Variants in DNM3 observed in about 807,000 individuals in gnomAD.
DNM3 encodes dynamin 3.
A neutral mutation model predicts 101.6 loss-of-function variants in DNM3; 47 were observed. That is an observed-to-expected ratio of 0.46 (90% CI 0.37 to 0.59). DNM3 has a LOEUF of 0.59. Ranked by LOEUF, DNM3 falls within the 20% of genes least tolerant of loss-of-function variation. DNM3 has a pLI of 0.00. For missense variants in DNM3, 849 were observed against 1,085.7 expected, an observed-to-expected ratio of 0.78 and a Z score of 3.06; for synonymous variants, 385 against 387.9, an observed-to-expected ratio of 0.99 and a Z score of 0.09.
intron 15 of DNM3, among the ~76,000 whole-genome samples, chr1:172,279,902 A>C (rs977085575): frequency 6.6e-6 from 1 of 152,142 alleles, no homozygotes; most frequent in Non-Finnish European, 1.5e-5. Context: ...TTTTTAAAAA[A>C]TAGATCAGAT....
At chr1:172,181,429 G>A (rs965590109) in intron 14 of DNM3, among the ~76,000 whole-genome samples, 7 of 150,544 alleles carry the variant, frequency 4.6e-5, no homozygotes, top group African/African-American at 1.5e-4. Flanking sequence ...TCTGGTAGGC[G>A]TGGAGATATA....
chr1:172,319,824 T>C (rs1049032221), intron 16 of DNM3, among the ~76,000 whole-genome samples: 26 of 152,010 alleles, frequency 1.7e-4, no homozygotes, highest in African/African-American at 2.9e-4. Context: ...GTCAGTGTGG[T>C]GATTCCTCAG....
chr1:171,918,205 C>G (rs2039874723), intron 1 of DNM3, among the ~76,000 whole-genome samples: 1 of 152,142 alleles, frequency 6.6e-6, no homozygotes. Flanking sequence ...TGTGTTATAT[C>G]AAAAATAATA....
At chr1:172,148,456 A>C (rs2058004904) in intron 14 of DNM3, among the ~76,000 whole-genome samples, 1 of 152,132 alleles carries the variant, frequency 6.6e-6, no homozygotes, top group Admixed American at 6.6e-5. Flanking sequence ...AATAAAAAAC[A>C]TAGTGTGCTT....
intron 14 of DNM3, among the ~76,000 whole-genome samples, chr1:172,163,055 A>T (rs1183368657): frequency 6.6e-6 from 1 of 152,008 alleles, no homozygotes; most frequent in Non-Finnish European, 1.5e-5. Context: ...AATAAAAATT[A>T]TATCTATTTA....
chr1:172,084,159 C>T (rs1212214334), intron 12 of DNM3, among the ~76,000 whole-genome samples: 1 of 152,080 alleles, frequency 6.6e-6, no homozygotes, highest in Non-Finnish European at 1.5e-5. Context: ...TATCTGTTTA[C>T]TGATGTATCA....
intron 1 of DNM3, among the ~76,000 whole-genome samples, chr1:171,854,424 G>A (rs1333722248): frequency 6.6e-6 from 1 of 152,102 alleles, no homozygotes; most frequent in African/African-American, 2.4e-5. Flanking sequence ...TACTGGGGAT[G>A]GAAGTTTAGA....
In DNM3 at chr1:171,876,413, A is replaced by G. The variant is rs760060403; in HGVS notation, c.161+34596A>G. Among the ~76,000 whole-genome samples, 25 of 152,068 alleles carry G rather than the reference A, an allele frequency of 1.6e-4. No homozygotes were observed. The South Asian group carries it at 2.3e-3, about 14-fold the overall frequency. On this transcript the variant is annotated intron_variant, in intron 1 of 20. Transcript: ENST00000627582. ...TTTCTTTTTCTCCCCTAAATCTGGC[A>G]TATCATTCCTGTCTTTTGGGGTATA... is the stretch of plus-strand genomic sequence containing the variant.
intron 2 of DNM3, among the ~76,000 whole-genome samples, chr1:171,935,951 C>T (rs1019011389): frequency 1.3e-5 from 2 of 150,952 alleles, no homozygotes; most frequent in East Asian, 1.9e-4. Context: ...GCACATTTAA[C>T]GTATTACAGT....
At chr1:172,174,477 A>T (rs1198831091) in intron 14 of DNM3, among the ~76,000 whole-genome samples, 1 of 151,710 alleles carries the variant, frequency 6.6e-6, no homozygotes, top group Non-Finnish European at 1.5e-5. Context: ...TGAGACTTGG[A>T]TACCCACTCT....
At chr1:171,928,204 T>A (rs987829607) in intron 2 of DNM3, among the ~76,000 whole-genome samples, 1 of 152,156 alleles carries the variant, frequency 6.6e-6, no homozygotes, top group Admixed American at 6.5e-5. Context: ...GTTATGTGGC[T>A]CCCCTATTTT....
intron 12 of DNM3, among the ~76,000 whole-genome samples, chr1:172,084,498 A>G (rs2053391910): frequency 6.6e-6 from 1 of 152,070 alleles, no homozygotes; most frequent in Non-Finnish European, 1.5e-5. Context: ...TGTCCTTTCC[A>G]TTTGTATGTC....
chr1:172,036,296 A>G (rs1479523384), intron 6 of DNM3, among the ~76,000 whole-genome samples: 1 of 150,860 alleles, frequency 6.6e-6, no homozygotes, highest in Non-Finnish European at 1.5e-5. Flanking sequence ...GAGAATGATG[A>G]TTTCCAATTT....
At chr1:171,942,224 T>TTTTTTTTTG (rs1045551751) in intron 2 of DNM3, among the ~76,000 whole-genome samples, 1 of 148,544 alleles carries the variant, frequency 6.7e-6, no homozygotes, top group Non-Finnish European at 1.5e-5. Context: ...TTTTTTTTTT[T>TTTTTTTTTG]ATGGAATAAG....
chr1:171,978,642 G>A (rs1053634645), intron 2 of DNM3, among the ~76,000 whole-genome samples: 1 of 152,174 alleles, frequency 6.6e-6, no homozygotes, highest in Non-Finnish European at 1.5e-5. Context: ...GAAGCATGAT[G>A]TGATGTATGT....
intron 15 of DNM3, among the ~76,000 whole-genome samples, chr1:172,302,640 C>T (rs1470001733): frequency 6.6e-6 from 1 of 152,176 alleles, no homozygotes; most frequent in Non-Finnish European, 1.5e-5. Flanking sequence ...ACACCTCATA[C>T]AGGCAGGTGC....
intron 1 of DNM3, among the ~76,000 whole-genome samples, chr1:171,872,495 C>A (rs1186442248): frequency 2.0e-5 from 3 of 152,052 alleles, no homozygotes; most frequent in Non-Finnish European, 4.4e-5. Context: ...AAATAATGTA[C>A]GTAGGAATGA....
chr1:171,995,096 GTTTTTTTTTTTTT>G (rs35925537), intron 4 of DNM3, among the ~76,000 whole-genome samples: 1 of 49,636 alleles, frequency 2.0e-5, no homozygotes, highest in Non-Finnish European at 3.7e-5. Flanking sequence ...TGAAATCCAG[GTTTTTTTTTTTTT>G]TTTTTTTTTT....
At chr1:172,111,447 T>C (rs1325747987) in intron 13 of DNM3, among the ~76,000 whole-genome samples, 1 of 152,246 alleles carries the variant, frequency 6.6e-6, no homozygotes, top group African/African-American at 2.4e-5. Context: ...AGACATTCTA[T>C]TGAGTACTTT....
Sources: allele counts gnomAD v4.1 joint callset (sites outside exome capture counted in the v4.1 genomes callset), GRCh38; gene constraint gnomAD v4.1.1; transcripts MANE v1.5; gene names NCBI Gene and HGNC (gene_info 2026-07-23, HGNC 2026-07-21).